Variants in ARHGAP8 observed in about 807,000 individuals in gnomAD.
ARHGAP8 encodes the protein rho GTPase-activating protein 8.
A neutral mutation model predicts 46.1 loss-of-function variants in ARHGAP8; 62 were observed. The ratio of observed to expected loss-of-function variants is 1.34; its 90% CI spans 1.10 to 1.66. The LOEUF is 1.66. ARHGAP8 is among the 40% of genes most tolerant of loss of function. ARHGAP8 has a pLI of 0.00. For missense variants in ARHGAP8, 923 were observed against 568.4 expected (o/e 1.62, Z -6.34); for synonymous variants, 375 against 243.1 (o/e 1.54, Z -5.05).
At chr22:44,793,333 G>A (rs78741488) in intron 2 of ARHGAP8, among the ~76,000 whole-genome samples, 10,146 of 152,192 alleles carry the variant, frequency 0.067, 375 homozygotes, top group African/African-American at 0.078. Context: ...CAGAGACGTG[G>A]AGGGTGGTGA....
At chr22:44,772,663 G>T (rs1294010591) in intron 1 of ARHGAP8, among the ~76,000 whole-genome samples, 3 of 151,762 alleles carry the variant, frequency 2.0e-5, no homozygotes, top group African/African-American at 7.3e-5. Context: ...TTTGGTTTTG[G>T]CATAAGGGTA....
intron 5 of ARHGAP8, among the ~76,000 whole-genome samples, chr22:44,816,213 G>A (rs1929730640): frequency 6.6e-6 from 1 of 152,150 alleles, no homozygotes; most frequent in South Asian, 2.1e-4. Flanking sequence ...GTGCCCCACA[G>A]ACACCGTGTG....
intron 11 of ARHGAP8, among the ~76,000 whole-genome samples, chr22:44,861,866 G>T (rs770453039): frequency 6.6e-6 from 1 of 152,142 alleles, no homozygotes; most frequent in Non-Finnish European, 1.5e-5. Context: ...GCCCCTCGTA[G>T]TGGCCCCTAG....
At chr22:44,840,756 G>A (rs1569173808) in intron 7 of ARHGAP8, among the ~76,000 whole-genome samples, 2 of 152,248 alleles carry the variant, frequency 1.3e-5, no homozygotes, top group South Asian at 4.1e-4. Flanking sequence ...TCGTGATGAG[G>A]ATTCGGTGTA....
Position 44,859,786 on chromosome 22 carries a change from A to T in ARHGAP8, c.933A>T (p.Pro311=). The T allele has an allele frequency of 6.2e-7, 1 of 1,614,120 alleles. No homozygotes were observed. The part of the protein sequence containing the change: ...TGCRQILRSL[P]EHNYVVLRYL... ...GCCGCCAGATCTTACGGAGCCTCCCAGAGCACAACTACGTCGTCCTCCGCT... is the reference window on the plus strand; with the variant it reads ...GCCGCCAGATCTTACGGAGCCTCCCTGAGCACAACTACGTCGTCCTCCGCT... Residue 311 remains proline, a synonymous_variant, in exon 11 of 12, where the codon CCA becomes CCT. Coordinates refer to ENST00000356099, the MANE Select transcript of ARHGAP8 (RefSeq NM_181335.3).
intron 1 of ARHGAP8, among the ~76,000 whole-genome samples, chr22:44,757,729 C>T (rs1924794559): frequency 6.6e-6 from 1 of 152,086 alleles, no homozygotes; most frequent in African/African-American, 2.4e-5. Flanking sequence ...ACCTCCGCCT[C>T]CTGGGCTCAA....
intron 4 of ARHGAP8, among the ~76,000 whole-genome samples, chr22:44,810,264 CAG>C (rs1187302437): frequency 2.6e-5 from 3 of 115,430 alleles, no homozygotes; most frequent in African/African-American, 3.4e-5. Flanking sequence ...TTTTTTGAGA[CAG>C]AGTCTCATTC....
intron 3 of ARHGAP8, among the ~76,000 whole-genome samples, chr22:44,807,897 G>A (rs146907159): frequency 3.3e-5 from 5 of 152,118 alleles, no homozygotes; most frequent in East Asian, 3.9e-4. Flanking sequence ...TCTCATCTTC[G>A]TGTCTGCCTT....
intron 11 of ARHGAP8, among the ~76,000 whole-genome samples, chr22:44,860,670 G>C (rs540245043): frequency 1.3e-5 from 2 of 152,158 alleles, no homozygotes; most frequent in African/African-American, 2.4e-5. Context: ...ACCAGAGAGA[G>C]AGAAACCCTT....
chr22:44,774,401 A>G (rs1926262653), intron 1 of ARHGAP8, among the ~76,000 whole-genome samples: 1 of 152,164 alleles, frequency 6.6e-6, no homozygotes, highest in South Asian at 2.1e-4. Flanking sequence ...TAGTTTGAAT[A>G]TAAGTTATCC....
At chr22:44,860,148 T>C (rs150377276) in intron 11 of ARHGAP8, among the ~76,000 whole-genome samples, 3 of 151,732 alleles carry the variant, frequency 2.0e-5, no homozygotes, top group East Asian at 4.0e-4. Context: ...GGGCTGAGTC[T>C]CTAGGAGGTG....
chr22:44,810,427 A>G (rs35456475), intron 4 of ARHGAP8, among the ~76,000 whole-genome samples: 75,403 of 151,438 alleles, frequency 0.5, 19,413 homozygotes, highest in African/African-American at 0.6. Context: ...TTTTTAGTAG[A>G]GACGGGGTTT....
intron 7 of ARHGAP8, among the ~76,000 whole-genome samples, chr22:44,844,997 T>C (rs549373269): frequency 6.6e-6 from 1 of 152,308 alleles, no homozygotes; most frequent in Non-Finnish European, 1.5e-5. Context: ...AACCCAGCTC[T>C]GAAGTTGCCC....
chr22:44,798,528 CG>C (rs577100086), intron 2 of ARHGAP8, among the ~76,000 whole-genome samples: 5,213 of 75,608 alleles, frequency 0.069, 123 homozygotes, highest in Middle Eastern at 0.14. Flanking sequence ...GGGGGACTTG[CG>C]TTTTTTTTTT....
chr22:44,861,223 C>T (rs769559043), intron 11 of ARHGAP8, among the ~76,000 whole-genome samples: 1 of 152,214 alleles, frequency 6.6e-6, no homozygotes, highest in African/African-American at 2.4e-5. Flanking sequence ...CCACCTGCCT[C>T]GGCCTCTTAA....
intron 8 of ARHGAP8, among the ~76,000 whole-genome samples, chr22:44,847,085 A>C (rs2069975588): frequency 6.6e-6 from 1 of 152,156 alleles, no homozygotes; most frequent in African/African-American, 2.4e-5. Flanking sequence ...AGTCCCAAGA[A>C]GACTTGCACC....
chr22:44,803,569 C>A (rs867666221), intron 3 of ARHGAP8, among the ~76,000 whole-genome samples: 26 of 150,646 alleles, frequency 1.7e-4, no homozygotes, highest in African/African-American at 5.9e-4. Context: ...TGTGTGCTTA[C>A]CTGCGTTCTG....
intron 11 of ARHGAP8, among the ~76,000 whole-genome samples, chr22:44,861,806 G>A (rs2070500182): frequency 6.6e-6 from 1 of 152,168 alleles, no homozygotes; most frequent in Admixed American, 6.5e-5. Flanking sequence ...CGTGTTGGCG[G>A]AGATGGACAA....
At chr22:44,840,775 A>C (rs1931599707) in intron 7 of ARHGAP8, among the ~76,000 whole-genome samples, 1 of 152,184 alleles carries the variant, frequency 6.6e-6, no homozygotes. Context: ...TAGGATGAGG[A>C]CCTGCTTCCT....
Sources: gnomAD v4.1 joint callset for allele counts (sites outside exome capture counted in the v4.1 genomes callset) on GRCh38, gnomAD v4.1.1 for gene constraint, MANE v1.5 for transcripts, NCBI Gene and HGNC (gene_info 2026-07-23, HGNC 2026-07-21) for gene names.